NECTIN3: variants seen among roughly 807,000 people sequenced by gnomAD.
NECTIN3 encodes nectin-3.
In NECTIN3, 8 loss-of-function variants were observed where a neutral mutation model predicts 49.4. That is an observed-to-expected ratio of 0.16 (90% CI 0.10 to 0.29). The LOEUF (loss-of-function observed/expected upper bound fraction) is 0.29. Ranked by LOEUF, NECTIN3 falls within the 10% of genes least tolerant of loss-of-function variation. The pLI is 1.00. For missense variants in NECTIN3, 581 were observed against 654.6 expected (o/e 0.89, Z 1.23); for synonymous variants, 277 against 241.1 (o/e 1.15, Z -1.38).
intron 1 of NECTIN3, among the ~76,000 whole-genome samples, chr3:111,099,825 C>T (rs1342200016): frequency 1.3e-5 from 2 of 152,112 alleles, no homozygotes; most frequent in African/African-American, 4.8e-5. Context: ...CAGAATCAGG[C>T]TTTAGTTTTA....
intron 1 of NECTIN3, among the ~76,000 whole-genome samples, chr3:111,091,117 A>G (rs2032241907): frequency 2.6e-5 from 4 of 152,136 alleles, no homozygotes; most frequent in African/African-American, 9.7e-5. Context: ...CTCCACAAAA[A>G]TAAGTCAGTT....
At chr3:111,188,350 T>A (rs911323973), upstream of NECTIN3, among the ~76,000 whole-genome samples, 2 of 152,162 alleles carry the variant, frequency 1.3e-5, no homozygotes, top group Non-Finnish European at 2.9e-5. Flanking sequence ...CATACACAAT[T>A]TTACTAAATA....
chr3:111,121,102 G>A (rs1319246998), intron 3 of NECTIN3, among the ~76,000 whole-genome samples: 1 of 147,858 alleles, frequency 6.8e-6, no homozygotes, highest in Non-Finnish European at 1.5e-5. Context: ...TCCCGGGTTC[G>A]TGCCATTCTC....
At chr3:111,104,001 G>GAC (rs2033049139) in intron 1 of NECTIN3, among the ~76,000 whole-genome samples, 1 of 152,144 alleles carries the variant, frequency 6.6e-6, no homozygotes, top group African/African-American at 2.4e-5. Flanking sequence ...TCTTTGTGTG[G>GAC]ACACATGCCT....
intron 2 of NECTIN3, among the ~76,000 whole-genome samples, chr3:111,112,587 CAT>C (rs886767613): frequency 6.6e-6 from 1 of 152,046 alleles, no homozygotes; most frequent in African/African-American, 2.4e-5. Context: ...TGTAATGCTA[CAT>C]AGTTTTATCT....
At chr3:111,098,188 T>C (rs1171210024) in intron 1 of NECTIN3, among the ~76,000 whole-genome samples, 1 of 152,220 alleles carries the variant, frequency 6.6e-6, no homozygotes, top group Non-Finnish European at 1.5e-5. Flanking sequence ...CTTTGAGCAG[T>C]GTGCAAGTCT....
At chr3:111,103,243 A>G (rs2033006239) in intron 1 of NECTIN3, among the ~76,000 whole-genome samples, 1 of 152,298 alleles carries the variant, frequency 6.6e-6, no homozygotes, top group South Asian at 2.1e-4. Context: ...TCTTGACAAT[A>G]TTGAGTCTTC....
At chr3:111,147,348 CTTT>C (rs565492723) in intron 6 of NECTIN3, 168 of 1,016,850 alleles carry the variant, frequency 1.7e-4, no homozygotes, top group Middle Eastern at 2.3e-4. Flanking sequence ...TTTTCTTTTG[CTTT>C]TTTTTTTTTT....
chr3:111,145,886 A>G (rs1211838347), intron 6 of NECTIN3, among the ~76,000 whole-genome samples: 1 of 152,202 alleles, frequency 6.6e-6, no homozygotes. Context: ...TGGCACAATT[A>G]TAGCACTAGT....
chr3:111,168,132 CAACTTGTAGT>C (rs1402897176), intron 7 of NECTIN3, among the ~76,000 whole-genome samples: 3 of 152,058 alleles, frequency 2.0e-5, no homozygotes, highest in Admixed American at 6.6e-5. Context: ...TAGTGATACT[CAACTTGTAGT>C]AACCTTGGAT....
Position 111,137,387 on chromosome 3 carries a change from T to C in NECTIN3, c.*3172T>C. The C allele has an allele frequency of 1.0e-6, 1 of 958,006 alleles. No individual in the cohort carries two copies. The highest frequency in any genetic ancestry group is 1.2e-6 in the Non-Finnish European group (1 of 805,610). 59.3% of individuals were successfully genotyped at this position (958,006 alleles called of 1,614,324 possible). On this transcript the variant is annotated 3_prime_UTR_variant, in exon 6 of 6. Transcript: ENST00000485303. ...AAATTTTTTGTATATTGTGTTTGTG[T>C]TTGGGTTTTAGTTTGTACCCGCGCT...
Position 111,134,219 on chromosome 3 carries a change from C to T in NECTIN3, c.*4C>T, listed in dbSNP as rs2034498459. On this transcript the variant is annotated 3_prime_UTR_variant, in exon 6 of 6. Transcript: ENST00000485303. Reference sequence around the variant, plus strand: ...CAGGAGGGAGTGGTATGTTTAGCAACCACTGAATGTGACTTAACTATGTAC... The same window carrying T: ...CAGGAGGGAGTGGTATGTTTAGCAATCACTGAATGTGACTTAACTATGTAC... 6.3e-7 allele frequency: 1 copy of T among 1,582,074 alleles called. No individual in the cohort carries two copies. Among genetic ancestry groups the T allele is most frequent in the Admixed American group, 1.8e-5 (1 of 55,750 alleles).
chr3:111,111,768 G>A (rs192373152), intron 1 of NECTIN3, among the ~76,000 whole-genome samples: 372 of 152,148 alleles, frequency 2.4e-3, no homozygotes, highest in African/African-American at 8.4e-3. Context: ...ACATATTGGC[G>A]TATTGTTAAT....
At chr3:111,139,091 C>A (rs1025618614), downstream of NECTIN3, among the ~76,000 whole-genome samples, 2 of 151,502 alleles carry the variant, frequency 1.3e-5, no homozygotes, top group Non-Finnish European at 3.0e-5. Flanking sequence ...AATTTAGACC[C>A]CTACCTACAT....
chr3:111,162,389 G>A (rs1190083128), intron 7 of NECTIN3, among the ~76,000 whole-genome samples: 1 of 152,066 alleles, frequency 6.6e-6, no homozygotes, highest in Non-Finnish European at 1.5e-5. Flanking sequence ...TGTTCTTGTG[G>A]TAGTAAGTTC....
At chr3:111,112,556 C>T (rs2033517333) in intron 2 of NECTIN3, among the ~76,000 whole-genome samples, 185 bp downstream of exon 2, 1 of 152,070 alleles carries the variant, frequency 6.6e-6, no homozygotes, top group South Asian at 2.1e-4. Context: ...AAAATCTTGT[C>T]TATATATACC....
chr3:111,097,566 G>A (rs1576094454), intron 1 of NECTIN3, among the ~76,000 whole-genome samples: 1 of 152,284 alleles, frequency 6.6e-6, no homozygotes, highest in East Asian at 1.9e-4. Context: ...GTTGTGGGAG[G>A]GACCTGGTGG....
At chr3:111,084,177 C>G (rs532106300) in intron 1 of NECTIN3, among the ~76,000 whole-genome samples, 1 of 151,674 alleles carries the variant, frequency 6.6e-6, no homozygotes, top group East Asian at 1.9e-4. Context: ...TGAGACACTT[C>G]CAGGTGTGAG....
At chr3:111,163,054 C>T (rs1209762537) in intron 7 of NECTIN3, among the ~76,000 whole-genome samples, 1 of 152,162 alleles carries the variant, frequency 6.6e-6, no homozygotes, top group East Asian at 1.9e-4. Context: ...TAGGGTTTCT[C>T]ACAAAGTTAC....
Sources: allele counts gnomAD v4.1 joint callset (sites outside exome capture counted in the v4.1 genomes callset), GRCh38; gene constraint gnomAD v4.1.1; transcripts MANE v1.5; gene names NCBI Gene and HGNC (gene_info 2026-07-23, HGNC 2026-07-21).